The following SLC8A1 variants were observed in gnomAD, a reference collection of about 807,000 sequenced individuals.
SLC8A1 encodes sodium/calcium exchanger 1.
In SLC8A1, 18 loss-of-function variants were observed where a neutral mutation model predicts 68.3. That is an observed-to-expected ratio of 0.26 (90% CI 0.18 to 0.39). SLC8A1 has a LOEUF of 0.39. Among genes scored for constraint, SLC8A1 ranks in the 10% least tolerant of loss-of-function variants. The probability of loss-of-function intolerance (pLI) is 1.00; values close to 1 mark genes in which losing one functional copy is unlikely to be tolerated. For missense variants in SLC8A1, 985 were observed against 1,156.7 expected, an observed-to-expected ratio of 0.85 and a Z score of 2.15; for synonymous variants, 475 against 415.5, an observed-to-expected ratio of 1.14 and a Z score of -1.74.
At position 40,285,950 on chromosome 2, in the gene SLC8A1, G is replaced by T. The variant is rs972168522; in HGVS notation, c.1809-108095C>A. On this transcript the variant is annotated intron_variant, in intron 2 of 7. Transcript: ENST00000406785. ...CTGATTAGAGAATAACTGCCAAAAT[G>T]ATGTTTGAAATGCAAGTAGTATGGC... Among the ~76,000 whole-genome samples the T allele has an allele frequency of 2.0e-5, 3 of 152,122 alleles. No individual in the cohort carries two copies. In the East Asian group the frequency reaches 5.8e-4, roughly 29 times the overall value.
chr2:40,461,697 A>C (rs1166533507), intron 1 of SLC8A1, among the ~76,000 whole-genome samples: 3 of 152,226 alleles, frequency 2.0e-5, no homozygotes, highest in Non-Finnish European at 4.4e-5. Context: ...TATATTTGTA[A>C]CATTTAATCA....
chr2:40,252,306 A>G (rs1306976523), intron 2 of SLC8A1, among the ~76,000 whole-genome samples: 1 of 151,164 alleles, frequency 6.6e-6, no homozygotes, highest in South Asian at 2.1e-4. Flanking sequence ...ATATGTGTGC[A>G]GTTTTTTTTT....
At chr2:40,111,774 A>C (rs949114617) in exon 8 of SLC8A1, 2 of 152,212 alleles carry the variant, frequency 1.3e-5, no homozygotes, top group African/African-American at 4.8e-5. Flanking sequence ...AGAGAAATTT[A>C]CTTAAACATC....
At chr2:40,428,031 G>A (rs944203598) in intron 2 of SLC8A1, among the ~76,000 whole-genome samples, 8 of 152,102 alleles carry the variant, frequency 5.3e-5, no homozygotes, top group African/African-American at 1.9e-4. Flanking sequence ...ATTATTTTCA[G>A]GGTGTTTCCT....
At chr2:40,258,517 G>T (rs1039647295) in intron 2 of SLC8A1, among the ~76,000 whole-genome samples, 4 of 148,194 alleles carry the variant, frequency 2.7e-5, no homozygotes, top group African/African-American at 1.0e-4. Flanking sequence ...TGGCTAAAGT[G>T]TAAGGGCTTT....
At chr2:40,388,450 A>G (rs957924498) in intron 2 of SLC8A1, among the ~76,000 whole-genome samples, 1 of 152,150 alleles carries the variant, frequency 6.6e-6, no homozygotes, top group Non-Finnish European at 1.5e-5. Flanking sequence ...ACTGAAGAGC[A>G]TCTCCTTTGA....
chr2:40,110,180 T>G (rs2034473242), exon 8 of SLC8A1: 1 of 152,094 alleles, frequency 6.6e-6, no homozygotes, highest in Non-Finnish European at 1.5e-5. Flanking sequence ...CTCTCAGTGG[T>G]TGCTCCTTTT....
At chr2:40,381,642 G>A (rs1681834965) in intron 2 of SLC8A1, among the ~76,000 whole-genome samples, 1 of 151,884 alleles carries the variant, frequency 6.6e-6, no homozygotes, top group South Asian at 2.1e-4. Context: ...CTATAGAACA[G>A]ATGTTTATGG....
At chr2:40,262,370 G>C (rs1274054312) in intron 2 of SLC8A1, among the ~76,000 whole-genome samples, 1 of 152,180 alleles carries the variant, frequency 6.6e-6, no homozygotes, top group Non-Finnish European at 1.5e-5. Context: ...TCTTCTCCAG[G>C]TGAGAGGTTG....
chr2:40,481,806 C>T (rs1704646630), intron 1 of SLC8A1, among the ~76,000 whole-genome samples: 1 of 152,144 alleles, frequency 6.6e-6, no homozygotes, highest in Admixed American at 6.5e-5. Flanking sequence ...TTTAACAGTT[C>T]AGAACATTCC....
intron 2 of SLC8A1, among the ~76,000 whole-genome samples, chr2:40,361,085 G>A (rs1317477350): frequency 1.3e-5 from 2 of 152,140 alleles, no homozygotes; most frequent in Non-Finnish European, 2.9e-5. Context: ...GAGAAAAGAG[G>A]TGAAGAAAGG....
chr2:40,427,524 C>CA (rs1466030587), intron 2 of SLC8A1, among the ~76,000 whole-genome samples: 1 of 151,944 alleles, frequency 6.6e-6, no homozygotes, highest in African/African-American at 2.4e-5. Context: ...CCTTTCCCCC[C>CA]AGAAATTGTT....
chr2:40,389,657 GCCTTTCCAATTCCCATGTCACTC>G (rs1416004676), intron 2 of SLC8A1, among the ~76,000 whole-genome samples: 10 of 151,756 alleles, frequency 6.6e-5, no homozygotes, highest in Non-Finnish European at 1.2e-4. Context: ...CCATGTTACT[GCCTTTCCAATTCCCATGTCACTC>G]CCTTTCCAAT....
chr2:40,464,661 T>C (rs574348603), intron 1 of SLC8A1, among the ~76,000 whole-genome samples: 1 of 152,240 alleles, frequency 6.6e-6, no homozygotes, highest in South Asian at 2.1e-4. Flanking sequence ...GAGAGGTATT[T>C]AAAACAGTCT....
intron 2 of SLC8A1, among the ~76,000 whole-genome samples, chr2:40,265,917 G>A (rs905062975): frequency 6.6e-6 from 1 of 152,058 alleles, no homozygotes; most frequent in Non-Finnish European, 1.5e-5. Flanking sequence ...TAACCACTGT[G>A]AAAACCTTCC....
At chr2:40,366,916 T>G (rs531142616) in intron 2 of SLC8A1, among the ~76,000 whole-genome samples, 1 of 152,046 alleles carries the variant, frequency 6.6e-6, no homozygotes. Context: ...CAATCCAACA[T>G]CCTCTGAACA....
At chr2:40,164,281 AT>A (rs1223817525) in intron 5 of SLC8A1, among the ~76,000 whole-genome samples, 1 of 152,188 alleles carries the variant, frequency 6.6e-6, no homozygotes. Context: ...AGAACTGAGA[AT>A]CCAATTTTAT....
At chr2:40,398,443 A>T (rs1011974910) in intron 2 of SLC8A1, among the ~76,000 whole-genome samples, 1 of 152,246 alleles carries the variant, frequency 6.6e-6, no homozygotes, top group Non-Finnish European at 1.5e-5. Flanking sequence ...TAAGTAACTT[A>T]AAGAATTACA....
chr2:40,227,706 T>C (rs537461039), intron 2 of SLC8A1, among the ~76,000 whole-genome samples: 54 of 152,054 alleles, frequency 3.6e-4, no homozygotes, highest in African/African-American at 1.3e-3. Flanking sequence ...AACTTAAAAG[T>C]TTAATAATAA....
Sources: allele counts gnomAD v4.1 joint callset (sites outside exome capture counted in the v4.1 genomes callset), GRCh38; gene constraint gnomAD v4.1.1; transcripts MANE v1.5; gene names NCBI Gene and HGNC (gene_info 2026-07-23, HGNC 2026-07-21).